The following RTN4RL1 variants were observed in gnomAD, a reference collection of about 807,000 sequenced individuals.
RTN4RL1 encodes reticulon 4 receptor like 1.
Under a neutral mutation model 25.6 loss-of-function variants are expected in RTN4RL1, and 7 were observed. That is an observed-to-expected ratio of 0.27 (90% CI 0.16 to 0.51). RTN4RL1 has a LOEUF of 0.51. RTN4RL1 is among the 20% of genes least tolerant of loss of function. The pLI is 0.97. For synonymous variants in RTN4RL1, 297 were observed against 288.2 expected, an observed-to-expected ratio of 1.03 and a Z score of -0.31; for missense variants, 500 against 615.6, an observed-to-expected ratio of 0.81 and a Z score of 1.99.
At chr17:1,990,605 G>A (rs2066904580) in intron 1 of RTN4RL1, among the ~76,000 whole-genome samples, 1 of 152,056 alleles carries the variant, frequency 6.6e-6, no homozygotes, top group Non-Finnish European at 1.5e-5. Context: ...GGAGGCTGAG[G>A]TGGGAGGATC....
At chr17:1,953,105 A>C (rs1301977921) in intron 1 of RTN4RL1, among the ~76,000 whole-genome samples, 1 of 151,194 alleles carries the variant, frequency 6.6e-6, no homozygotes, top group Non-Finnish European at 1.5e-5. Context: ...AAATAAATAA[A>C]TATTAAAAAA....
intron 1 of RTN4RL1, among the ~76,000 whole-genome samples, chr17:1,992,063 A>T (rs1158349535): frequency 7.0e-6 from 1 of 141,984 alleles, no homozygotes; most frequent in Non-Finnish European, 1.6e-5. Flanking sequence ...GTTGGACTGC[A>T]TGCAGAAAAA....
intron 1 of RTN4RL1, among the ~76,000 whole-genome samples, chr17:2,005,830 C>T (rs771712848): frequency 1.1e-4 from 16 of 148,216 alleles, no homozygotes; most frequent in East Asian, 2.0e-4. Context: ...AGAGTCTCGC[C>T]GTGTCGCCCA....
chr17:1,997,413 C>T (rs559134492), intron 1 of RTN4RL1, among the ~76,000 whole-genome samples: 3 of 152,304 alleles, frequency 2.0e-5, no homozygotes, highest in South Asian at 2.1e-4. Context: ...CAGTTTTATT[C>T]TCTACACTGA....
intron 1 of RTN4RL1, among the ~76,000 whole-genome samples, chr17:1,974,960 G>A (rs1349542270): frequency 2.6e-5 from 4 of 152,148 alleles, no homozygotes; most frequent in African/African-American, 7.2e-5. Context: ...AGCCTCACTC[G>A]CTGCTAAAGG....
At chr17:1,977,209 T>G (rs1348461487) in intron 1 of RTN4RL1, among the ~76,000 whole-genome samples, 1 of 152,150 alleles carries the variant, frequency 6.6e-6, no homozygotes, top group Non-Finnish European at 1.5e-5. Context: ...ATAGTGCAGG[T>G]GTGCACAGAC....
chr17:1,983,741 C>A (rs999356508), intron 1 of RTN4RL1, among the ~76,000 whole-genome samples: 1 of 151,158 alleles, frequency 6.6e-6, no homozygotes, highest in Non-Finnish European at 1.5e-5. Flanking sequence ...GGGTCTTACC[C>A]AGTGTGTCCA....
chr17:1,945,925 T>C (rs1403131654), intron 1 of RTN4RL1, among the ~76,000 whole-genome samples: 2 of 152,058 alleles, frequency 1.3e-5, no homozygotes, highest in Non-Finnish European at 2.9e-5. Flanking sequence ...GCCCAGGGCC[T>C]GGCTCCTAGC....
At chr17:1,971,685 AG>A (rs1322761366) in intron 1 of RTN4RL1, among the ~76,000 whole-genome samples, 1 of 151,596 alleles carries the variant, frequency 6.6e-6, no homozygotes, top group African/African-American at 2.4e-5. Context: ...AATTTAGGCC[AG>A]GCACGGTGGC....
chr17:1,939,081 A>AAG (rs1567847352), intron 1 of RTN4RL1, among the ~76,000 whole-genome samples: 1 of 150,684 alleles, frequency 6.6e-6, no homozygotes, highest in Non-Finnish European at 1.5e-5. Flanking sequence ...GGCCGGGAGC[A>AAG]GTGGCTCACA....
intron 1 of RTN4RL1, among the ~76,000 whole-genome samples, chr17:1,995,114 A>C (rs1474682337): frequency 6.6e-6 from 1 of 152,136 alleles, no homozygotes; most frequent in Non-Finnish European, 1.5e-5. Flanking sequence ...CTGAGCTCTC[A>C]CTGCAAAAGG....
At chr17:1,984,143 G>A (rs1567516626) in intron 1 of RTN4RL1, among the ~76,000 whole-genome samples, 2 of 152,194 alleles carry the variant, frequency 1.3e-5, no homozygotes, top group Non-Finnish European at 2.9e-5. Flanking sequence ...CATTTTGAAC[G>A]GGGGCTCCTT....
At chr17:2,011,357 T>C (rs2067047296) in intron 1 of RTN4RL1, among the ~76,000 whole-genome samples, 1 of 152,142 alleles carries the variant, frequency 6.6e-6, no homozygotes, top group African/African-American at 2.4e-5. Context: ...CATCCATGGA[T>C]AAAGAACTGG....
chr17:2,025,022 G>T lies in RTN4RL1; in HGVS notation c.-157C>A, dbSNP rs2067253933. 2 of 680,642 alleles carry T rather than the reference G, an allele frequency of 2.9e-6. No homozygotes were observed. Among genetic ancestry groups the T allele is most frequent in the Admixed American group, 3.3e-5 (1 of 30,658 alleles). The allele number at this position is 680,642 out of a possible 1,614,324, so 42.2% of individuals were successfully genotyped here. ...TGCCCGGTGGCCCGGCCCCGCAGGG[G>T]CATGGTGAGCTCCAGCCCCGCGCCG... is the stretch of plus-strand genomic sequence containing the variant. On this transcript the variant is annotated 5_prime_UTR_variant, in exon 1 of 2. Transcript: ENST00000331238. The surrounding 1 kb of genome is among the most constrained non-coding windows in gnomAD (Gnocchi z 4.8).
intron 1 of RTN4RL1, among the ~76,000 whole-genome samples, chr17:1,967,370 A>G (rs1428772196): frequency 6.6e-6 from 1 of 152,008 alleles, no homozygotes; most frequent in Non-Finnish European, 1.5e-5. Context: ...CCCCCTCAGC[A>G]TCCTCAGCTC....
At chr17:1,962,032 A>G (rs1017905682) in intron 1 of RTN4RL1, among the ~76,000 whole-genome samples, 2 of 151,370 alleles carry the variant, frequency 1.3e-5, no homozygotes, top group African/African-American at 2.4e-5. Flanking sequence ...TTATAATCCC[A>G]GTGCTTTGGG....
chr17:1,938,083 G>A (rs1205299493), intron 1 of RTN4RL1, among the ~76,000 whole-genome samples: 1 of 152,102 alleles, frequency 6.6e-6, no homozygotes, highest in Non-Finnish European at 1.5e-5. Flanking sequence ...CCACCCCACA[G>A]CTGCTGAGCC....
At position 1,939,796 on chromosome 17, in the gene RTN4RL1, C is replaced by T. The variant is rs950950995; in HGVS notation, c.14-1988G>A. Among the ~76,000 whole-genome samples, 18 of 152,192 alleles carry T rather than the reference C, an allele frequency of 1.2e-4. 1 individual carries two copies. The highest frequency in any genetic ancestry group is 5.2e-4 in the Admixed American group (8 of 15,288). ...CAGCTGCCCCAGGCGGCCAGGCAGG[C>T]GCGCCGAGGTTGGGGGGCCGGCTCC... On this transcript the variant is annotated intron_variant, in intron 1 of 1. Transcript: ENST00000331238.
In RTN4RL1 at chr17:2,010,065, A is replaced by C. The variant is rs1278338881; in HGVS notation, c.13+14788T>G. On this transcript the variant is annotated intron_variant, in intron 1 of 1. Coordinates refer to ENST00000331238, the MANE Select transcript of RTN4RL1 (RefSeq NM_178568.4). The stretch of plus-strand genomic sequence containing the variant: ...CTCTGTTCGAATGTCCGTCTATCAG[A>C]AAGACTTCTCTGCCAATCTCCTAAA... Among the ~76,000 whole-genome samples the C allele has an allele frequency of 2.3e-5, 3 of 128,610 alleles. 1 individual carries two copies. The highest frequency in any genetic ancestry group is 8.9e-5 in the African/African-American group (3 of 33,704). 84.4% of individuals were successfully genotyped at this position (128,610 alleles called of 152,430 possible). A position where few individuals can be genotyped will look rare whatever the true frequency, so the allele number is the denominator to read the frequency against.
Sources: allele counts gnomAD v4.1 joint callset (sites outside exome capture counted in the v4.1 genomes callset), GRCh38; gene constraint gnomAD v4.1.1; non-coding constraint Gnocchi (gnomAD v3.1); transcripts MANE v1.5; gene names NCBI Gene and HGNC (gene_info 2026-07-23, HGNC 2026-07-21).